SLC9A9: variants seen among roughly 807,000 people sequenced by gnomAD.
The protein encoded by SLC9A9 is solute carrier family 9 member A9.
In SLC9A9, 62 loss-of-function variants were observed where a neutral mutation model predicts 77.8. That is an observed-to-expected ratio of 0.80 (90% confidence interval 0.65 to 0.98). The LOEUF (loss-of-function observed/expected upper bound fraction) is 0.98. Ranked by LOEUF, SLC9A9 falls within the 50% of genes least tolerant of loss-of-function variation. SLC9A9 has a pLI of 0.00. For missense variants in SLC9A9, 775 were observed against 774.9 expected, an observed-to-expected ratio of 1.00 and a Z score of 0.00; for synonymous variants, 320 against 283.5, an observed-to-expected ratio of 1.13 and a Z score of -1.29.
rs1366476130 is a variant in SLC9A9 at position 143,629,529 on chromosome 3, T to C, written c.755+22726A>G. The stretch of plus-strand genomic sequence containing the variant: ...TTAACTGGGTGTCCTACATCTTTAT[T>C]TGCTAAATCTGGTAGCCCTACCAGT... On this transcript the variant is annotated intron_variant, in intron 6 of 15. Transcript: ENST00000316549. Among the ~76,000 whole-genome samples the C allele has an allele frequency of 2.0e-5, 3 of 152,010 alleles. No homozygotes were observed. In the South Asian group the frequency reaches 6.2e-4, roughly 31 times the overall value.
intron 14 of SLC9A9, among the ~76,000 whole-genome samples, chr3:143,279,581 C>T (rs552423235): frequency 7.2e-5 from 11 of 152,214 alleles, no homozygotes; most frequent in African/African-American, 2.2e-4. Context: ...CACCACTCAA[C>T]GGGCCCCAGT....
chr3:143,386,108 T>C (rs1193608310), intron 12 of SLC9A9, among the ~76,000 whole-genome samples: 1 of 152,148 alleles, frequency 6.6e-6, no homozygotes, highest in Non-Finnish European at 1.5e-5. Context: ...ATGCCCTTCC[T>C]AGGTCTCAGA....
At chr3:143,507,623 A>G (rs1460641702) in intron 9 of SLC9A9, among the ~76,000 whole-genome samples, 1 of 152,228 alleles carries the variant, frequency 6.6e-6, no homozygotes, top group Admixed American at 6.5e-5. Flanking sequence ...TGTTCACTCT[A>G]GGTGTTAAAC....
At chr3:143,823,383 C>T (rs1309890519) in intron 2 of SLC9A9, among the ~76,000 whole-genome samples, 2 of 152,178 alleles carry the variant, frequency 1.3e-5, no homozygotes, top group Admixed American at 6.5e-5. Flanking sequence ...AGTAGAGTAG[C>T]ATGGGGACAT....
At chr3:143,763,109 C>G (rs1026288330) in intron 4 of SLC9A9, among the ~76,000 whole-genome samples, 2 of 152,088 alleles carry the variant, frequency 1.3e-5, no homozygotes, top group African/African-American at 4.8e-5. Flanking sequence ...AGCCAGCTAG[C>G]CCCACTGCTT....
chr3:143,595,690 A>C (rs1327025239), intron 6 of SLC9A9, among the ~76,000 whole-genome samples: 1 of 152,210 alleles, frequency 6.6e-6, no homozygotes, highest in African/African-American at 2.4e-5. Context: ...GCTTGTACTG[A>C]CTGAAAAATT....
At chr3:143,687,538 T>C (rs1164753421) in intron 5 of SLC9A9, among the ~76,000 whole-genome samples, 1 of 152,154 alleles carries the variant, frequency 6.6e-6, no homozygotes, top group Non-Finnish European at 1.5e-5. Flanking sequence ...GAGATATCTT[T>C]AGCATTTGTT....
intron 12 of SLC9A9, among the ~76,000 whole-genome samples, chr3:143,388,147 G>A (rs1438524344): frequency 6.6e-6 from 1 of 152,144 alleles, no homozygotes; most frequent in Admixed American, 6.5e-5. Context: ...GAGTCTGAAA[G>A]ATACCCACTA....
intron 5 of SLC9A9, among the ~76,000 whole-genome samples, chr3:143,666,425 A>G (rs1165149121): frequency 2.0e-5 from 3 of 152,214 alleles, no homozygotes; most frequent in Non-Finnish European, 4.4e-5. Flanking sequence ...AAACTGACAC[A>G]AGACAGGGAT....
intron 4 of SLC9A9, among the ~76,000 whole-genome samples, chr3:143,751,201 G>A (rs1301667342): frequency 6.6e-6 from 1 of 152,184 alleles, no homozygotes; most frequent in Non-Finnish European, 1.5e-5. Flanking sequence ...CTCATGCTGT[G>A]TGGAGAAAAG....
intron 5 of SLC9A9, among the ~76,000 whole-genome samples, chr3:143,665,426 C>A (rs2039048231): frequency 6.6e-6 from 1 of 152,088 alleles, no homozygotes. Flanking sequence ...ATTAAAAGAA[C>A]TAGAGAAGCA....
chr3:143,519,861 G>T (rs2036266889), intron 9 of SLC9A9, among the ~76,000 whole-genome samples: 1 of 152,190 alleles, frequency 6.6e-6, no homozygotes, highest in Non-Finnish European at 1.5e-5. Context: ...TGAACAAATA[G>T]AAGAATAGAA....
intron 5 of SLC9A9, among the ~76,000 whole-genome samples, chr3:143,689,017 T>G (rs891583576): frequency 1.3e-5 from 2 of 151,976 alleles, no homozygotes; most frequent in African/African-American, 4.8e-5. Flanking sequence ...ACATACAATC[T>G]TACTCATAAT....
intron 4 of SLC9A9, among the ~76,000 whole-genome samples, chr3:143,746,974 T>G (rs976183342): frequency 2.6e-5 from 4 of 152,176 alleles, no homozygotes; most frequent in Non-Finnish European, 5.9e-5. Context: ...GCGACATATT[T>G]TTAAGCCTTT....
rs5853107 is a variant in SLC9A9, at chr3:143,358,025, C to CT, written c.1604+5458dup. ...TTTAGGAGGGGAAGGTTTTTCTTTC[C>CT]TTTTTTTTTTTTTTAGTTAAGACTA... On this transcript the variant is annotated intron_variant, in intron 14 of 15. Transcript: ENST00000316549. Among the ~76,000 whole-genome samples the CT allele has an allele frequency of 3.6e-3, 523 of 145,066 alleles. 7 individuals carry two copies. In the East Asian group the frequency reaches 0.054, roughly 15 times the overall value.
intron 12 of SLC9A9, among the ~76,000 whole-genome samples, chr3:143,466,129 G>A (rs2035276666): frequency 6.6e-6 from 1 of 152,178 alleles, no homozygotes; most frequent in Admixed American, 6.5e-5. Flanking sequence ...ACTCTTGACT[G>A]TAAGAATCTT....
chr3:143,528,627 C>T (rs1193500222), intron 9 of SLC9A9, among the ~76,000 whole-genome samples: 1 of 152,094 alleles, frequency 6.6e-6, no homozygotes, highest in African/African-American at 2.4e-5. Flanking sequence ...TGCTTAGCAC[C>T]ATGAAAACAG....
intron 12 of SLC9A9, among the ~76,000 whole-genome samples, chr3:143,417,395 A>G (rs771947917): frequency 6.6e-6 from 1 of 151,624 alleles, no homozygotes; most frequent in East Asian, 2.0e-4. Flanking sequence ...GTTAAGGTTA[A>G]ATTAGTTCAT....
chr3:143,369,820 G>A (rs921475373), intron 13 of SLC9A9, among the ~76,000 whole-genome samples: 6 of 151,964 alleles, frequency 3.9e-5, no homozygotes, highest in African/African-American at 1.5e-4. Flanking sequence ...TTTCTTTTTT[G>A]CTGTCTCTCT....
Sources: gnomAD v4.1 joint callset for allele counts (sites outside exome capture counted in the v4.1 genomes callset) on GRCh38, gnomAD v4.1.1 for gene constraint, MANE v1.5 for transcripts, NCBI Gene and HGNC (gene_info 2026-07-23, HGNC 2026-07-21) for gene names.